HK3: variants seen among roughly 807,000 people sequenced by gnomAD.
HK3 encodes the protein hexokinase-3.
In HK3, 93 loss-of-function variants were observed where a neutral mutation model predicts 91.0. That is an observed-to-expected ratio of 1.02 (90% CI 0.86 to 1.21). The LOEUF is 1.21. Among genes scored for constraint, HK3 ranks in the 50% most tolerant of loss-of-function variants. The pLI, the probability that HK3 is intolerant of heterozygous loss-of-function variation, is 0.00. For missense variants in HK3, 1,235 were observed against 1,247.4 expected (o/e 0.99, Z 0.15); for synonymous variants, 519 against 516.9 (o/e 1.00, Z -0.06).
chr5:176,888,201 C>G, intron 10 of HK3, 131 bp downstream of exon 10: 1 of 743,990 alleles, frequency 1.3e-6, no homozygotes, highest in Non-Finnish European at 2.3e-6. Flanking sequence ...ATAGCTCAGT[C>G]TGGCCCTCCC....
At chr5:176,894,398 C>A (rs1320717978) in intron 2 of HK3, among the ~76,000 whole-genome samples, 2 of 152,212 alleles carry the variant, frequency 1.3e-5, no homozygotes, top group Non-Finnish European at 2.9e-5. Context: ...GGGATTCTTT[C>A]AACCGCAGGT....
Position 176,887,817 on chromosome 5 carries a change from C to A in HK3, c.1305-71G>T, listed in dbSNP as rs975417390. 9.3e-6 allele frequency: 14 copies of A among 1,501,462 alleles called. No individual in the cohort carries two copies. In the Admixed American group the frequency reaches 2.7e-4, roughly 29 times the overall value. 93.0% of individuals were successfully genotyped at this position (1,501,462 alleles called of 1,614,324 possible). ...ACACACACAGGTGTGCACGGCTTGGCCCTGGACCCCCAGATACATACAGGT... is the reference window on the plus strand; with the variant it reads ...ACACACACAGGTGTGCACGGCTTGGACCTGGACCCCCAGATACATACAGGT... On this transcript the variant is annotated intron_variant, in intron 10 of 18. Coordinates refer to ENST00000292432, the MANE Select transcript of HK3 (RefSeq NM_002115.3). The surrounding 1 kb of genome is among the most constrained non-coding windows in gnomAD (Gnocchi z 4.9).
chr5:176,891,332 C>G, intron 3 of HK3, 56 bp downstream of exon 3: 1 of 1,608,036 alleles, frequency 6.2e-7, no homozygotes, highest in Non-Finnish European at 8.5e-7. Flanking sequence ...GTTTCCCTCC[C>G]CTAGATCAGT....
intron 2 of HK3, among the ~76,000 whole-genome samples, chr5:176,894,469 C>T (rs1758857809): frequency 6.6e-6 from 1 of 152,154 alleles, no homozygotes; most frequent in Admixed American, 6.5e-5. Context: ...CAGGGAGGGG[C>T]AAGAAGCGAG....
chr5:176,889,535 C>T lies in HK3; in HGVS notation c.760G>A (p.Glu254Lys). The change falls in exon 8 of 19, where the codon GAG (glutamate) becomes AAG (lysine). Residue 254 changes from glutamate to lysine, a missense_variant. Physicochemically the swap from Glu to Lys is moderately conservative, Grantham distance 56. This residue lies in a region of HK3 where 717 missense variants were observed against 751.6 expected (regional missense o/e 0.95). Coordinates refer to ENST00000292432, the MANE Select transcript of HK3 (RefSeq NM_002115.3). ...DTGTNACYME[E>K]ARHVAVLDED... ...TCCAGCACTGCCACATGCCGTGCCT[C>T]CTCCATGTAACACGCGTTGGTGCCC... 2.5e-6 allele frequency: 4 copies of T among 1,614,212 alleles called. No homozygotes were observed. The highest frequency in any genetic ancestry group is 3.4e-6 in the Non-Finnish European group (4 of 1,180,028).
rs935490827 is a variant in HK3, at chr5:176,884,934, C to T, written c.1858-800G>A. ...CAACGTTTTCCTCCAATAATATGTCCTTTTATCCCGTTTTTTATTGTCCTA... is the reference window on the plus strand; with the variant it reads ...CAACGTTTTCCTCCAATAATATGTCTTTTTATCCCGTTTTTTATTGTCCTA... On this transcript the variant is annotated intron_variant, in intron 13 of 18. Transcript: ENST00000292432. The surrounding 1 kb of genome is among the most constrained non-coding windows in gnomAD (Gnocchi z 4.1). Among the ~76,000 whole-genome samples the T allele has an allele frequency of 2.0e-5, 3 of 152,140 alleles. No homozygotes were observed. The highest frequency in any genetic ancestry group is 6.5e-5 in the Admixed American group (1 of 15,276).
intron 2 of HK3, 82 bp downstream of exon 2, chr5:176,895,982 C>G: frequency 8.8e-7 from 1 of 1,134,576 alleles, no homozygotes; most frequent in Non-Finnish European, 1.3e-6. Flanking sequence ...GGGTGAGAGC[C>G]CAGGGCCCCA....
Position 176,889,689 on chromosome 5 carries a change from C to T in HK3, c.686G>A (p.Gly229Asp). 1 of 1,614,196 alleles carries T rather than the reference C, an allele frequency of 6.2e-7. No individual in the cohort carries two copies. Among genetic ancestry groups the T allele is most frequent in the Non-Finnish European group, 8.5e-7 (1 of 1,180,040 alleles). ...VVNDTVGTMMGCEPGVRPCEV... is the reference protein window; with the variant it reads ...VVNDTVGTMMDCEPGVRPCEV... ...ACACGGCCTGACCCCCGGCTCACAG[C>T]CCATCATGGTGCCCACTGTGTCGTT... The change falls in exon 7 of 19, where the codon GGC becomes GAC. Residue 229 changes from glycine (G) to aspartate (D), a missense_variant. Transcript: ENST00000292432.
At position 176,882,280 on chromosome 5, in the gene HK3, G is replaced by A. The variant is rs145155533; in HGVS notation, c.2054-153C>T. ...CTGGTCCTGGTCCTTCTTCCTTCCC[G>A]ACATCCCTCGTGCAGACCCTGCCAG... is the stretch of plus-strand genomic sequence containing the variant. On this transcript the variant is annotated intron_variant, in intron 15 of 18. Coordinates refer to ENST00000292432, the MANE Select transcript of HK3 (RefSeq NM_002115.3). The A allele has an allele frequency of 4.9e-4, 392 of 800,840 alleles. 2 individuals are homozygous for A. The African/African-American group carries it at 5.5e-3, about 11-fold the overall frequency. The allele number at this position is 800,840 out of a possible 1,614,324, so 49.6% of individuals were successfully genotyped here.
intron 2 of HK3, among the ~76,000 whole-genome samples, chr5:176,893,940 C>G (rs1404873414): frequency 1.3e-5 from 2 of 152,250 alleles, no homozygotes; most frequent in African/African-American, 4.8e-5. Flanking sequence ...GGTTTCAACA[C>G]TGGCTCTTGT....
intron 2 of HK3, among the ~76,000 whole-genome samples, chr5:176,892,904 C>T (rs958148636): frequency 1.3e-5 from 2 of 152,214 alleles, no homozygotes; most frequent in African/African-American, 4.8e-5. Context: ...TCCACTTACA[C>T]GTTTGCCTTA....
At chr5:176,881,654 C>A (rs141653594) in intron 17 of HK3, 38 bp downstream of exon 17, 43,711 of 1,611,436 alleles carry the variant, frequency 0.027, 789 homozygotes, top group South Asian at 0.061. Flanking sequence ...GACAGAAAGA[C>A]CCCCTGAAGT....
chr5:176,883,988 TC>T, intron 14 of HK3, 50 bp downstream of exon 14: 1 of 1,594,282 alleles, frequency 6.3e-7, no homozygotes, highest in Non-Finnish European at 8.6e-7. Flanking sequence ...GACTCTTTGC[TC>T]CCCTCAAGGC....
Position 176,886,195 on chromosome 5 carries a change from T to C in HK3, c.1857+807A>G, listed in dbSNP as rs540272060. ...AGTGAGTGAGCCAAGATCATGCCAT[T>C]GCACTCCAACCTGGGCGACAGAGTG... On this transcript the variant is annotated intron_variant, in intron 13 of 18. Coordinates refer to ENST00000292432, the MANE Select transcript of HK3 (RefSeq NM_002115.3). 4.0e-5 allele frequency among the ~76,000 whole-genome samples: 6 copies of C among 151,546 alleles called. No individual in the cohort carries two copies. In the South Asian group the frequency reaches 1.0e-3, roughly 26 times the overall value.
intron 6 of HK3, among the ~76,000 whole-genome samples, chr5:176,890,242 C>T (rs1758730020): frequency 6.6e-6 from 1 of 152,192 alleles, no homozygotes; most frequent in East Asian, 1.9e-4. Context: ...AGGCAAACTC[C>T]TCCTTCAAGC....
chr5:176,881,241 G>A (rs2149372396), intron 18 of HK3, 24 bp from the exon 19 acceptor site: 11 of 1,613,110 alleles, frequency 6.8e-6, no homozygotes, highest in Non-Finnish European at 9.3e-6. Context: ...GCTGAGGTGA[G>A]CCCAGGCCAC....
chr5:176,886,909 C>T (rs111286538), intron 13 of HK3, 93 bp downstream of exon 13: 31 of 1,473,354 alleles, frequency 2.1e-5, no homozygotes, highest in African/African-American at 8.3e-5. Context: ...GACCCGCCAC[C>T]GCCCAGCCTT....
chr5:176,886,538 T>A (rs112267291), intron 13 of HK3, among the ~76,000 whole-genome samples: 5 of 152,088 alleles, frequency 3.3e-5, no homozygotes, highest in African/African-American at 1.2e-4. Flanking sequence ...AGCTAAAGTG[T>A]GTGCTGAGTA....
intron 1 of HK3, among the ~76,000 whole-genome samples, 149 bp downstream of exon 1, chr5:176,899,116 TAG>T (rs921821513): frequency 1.6e-4 from 25 of 151,958 alleles, no homozygotes; most frequent in Non-Finnish European, 2.9e-4. Context: ...GTCTGGGTGA[TAG>T]AGAGAGAGAC....
Sources: gnomAD v4.1 joint callset for allele counts (sites outside exome capture counted in the v4.1 genomes callset) on GRCh38, gnomAD v4.1.1 for gene constraint, gnomAD v4.1.1 regional missense constraint, Gnocchi (gnomAD v3.1) non-coding constraint, MANE v1.5 for transcripts, NCBI Gene and HGNC (gene_info 2026-07-23, HGNC 2026-07-21) for gene names.